Variants in COL6A5 observed in about 807,000 individuals in gnomAD.
COL6A5 encodes the protein collagen type VI alpha 5 chain, also known as collagen alpha-5(VI) chain.
In COL6A5, 48 loss-of-function variants were observed where a neutral mutation model predicts 65.6. That is an observed-to-expected ratio of 0.73 (90% CI 0.58 to 0.93). The LOEUF is 0.93. Among genes scored for constraint, COL6A5 ranks in the 40% least tolerant of loss-of-function variants. The pLI, the probability that COL6A5 is intolerant of heterozygous loss-of-function variation, is 0.00. For missense variants in COL6A5, 914 were observed against 928.3 expected, an observed-to-expected ratio of 0.98 and a Z score of 0.20; for synonymous variants, 291 against 322.8, an observed-to-expected ratio of 0.90 and a Z score of 1.05.
intron 1 of COL6A5, among the ~76,000 whole-genome samples, chr3:130,362,818 T>C (rs1302453112): frequency 6.6e-6 from 1 of 152,198 alleles, no homozygotes; most frequent in African/African-American, 2.4e-5. Context: ...TCTGAAGTTT[T>C]CTCTGTCTGA....
intron 11 of COL6A5, 65 bp downstream of exon 11, chr3:130,401,238 G>A: frequency 1.4e-6 from 2 of 1,405,966 alleles, no homozygotes; most frequent in East Asian, 2.5e-5. Flanking sequence ...GAATCTTGAT[G>A]AGAACTTTCA....
chr3:130,473,484 T>C (rs375588371), intron 7 of COL6A5, among the ~76,000 whole-genome samples: 5 of 152,204 alleles, frequency 3.3e-5, no homozygotes. Context: ...CAGGCATCAG[T>C]TGGCAGCTAA....
At chr3:130,391,125 C>T in intron 6 of COL6A5, 54 bp from the exon 7 acceptor site, 1 of 1,291,308 alleles carries the variant, frequency 7.7e-7, no homozygotes, top group Non-Finnish European at 1.1e-6. Context: ...TCTCAGCACC[C>T]TGCGTAGAAT....
At chr3:130,417,318 C>T (rs1261372469) in intron 24 of COL6A5, among the ~76,000 whole-genome samples, 1 of 152,052 alleles carries the variant, frequency 6.6e-6, no homozygotes, top group Non-Finnish European at 1.5e-5. Context: ...ACCAAAGTAC[C>T]TCCATTTTCT....
chr3:130,477,100 T>C, intron 7 of COL6A5: 1 of 1,508,990 alleles, frequency 6.6e-7, no homozygotes, highest in South Asian at 1.2e-5. Context: ...ATTAATCCAA[T>C]ACTTTCGTCA....
At chr3:130,470,820 T>A in intron 6 of COL6A5, 51 bp from the exon 39 acceptor site, 1 of 1,341,256 alleles carries the variant, frequency 7.5e-7, no homozygotes, top group Non-Finnish European at 1.1e-6. Flanking sequence ...TTGGGTGAGA[T>A]AATAATGTAG....
intron 1 of COL6A5, among the ~76,000 whole-genome samples, chr3:130,352,591 A>C (rs1285186866): frequency 6.6e-6 from 1 of 152,184 alleles, no homozygotes; most frequent in African/African-American, 2.4e-5. Context: ...TTCATGATCA[A>C]GTTGAGGCTC....
At chr3:130,389,359 A>G (rs573974201) in intron 6 of COL6A5, among the ~76,000 whole-genome samples, 136 of 152,176 alleles carry the variant, frequency 8.9e-4, no homozygotes, top group Non-Finnish European at 1.6e-3. Context: ...GACTTCAAAT[A>G]TGTTCCAAAA....
chr3:130,366,511 C>T (rs1319273476), intron 1 of COL6A5, among the ~76,000 whole-genome samples: 2 of 152,136 alleles, frequency 1.3e-5, no homozygotes, highest in African/African-American at 4.8e-5. Flanking sequence ...CAAGTCCAAC[C>T]CTCTTGTTTT....
upstream of COL6A5, chr3:130,431,457 T>C (rs1937802765): frequency 6.5e-7 from 1 of 1,547,674 alleles, no homozygotes; most frequent in East Asian, 2.4e-5. Flanking sequence ...TGCTTTTCTT[T>C]TTTCTAGAAA....
At chr3:130,421,051 G>A in intron 25 of COL6A5, 102 bp from the exon 26 acceptor site, 1 of 1,053,920 alleles carries the variant, frequency 9.5e-7, no homozygotes, top group Non-Finnish European at 1.4e-6. Context: ...CTTCTGCATG[G>A]AAGTCCCTAG....
intron 10 of COL6A5, among the ~76,000 whole-genome samples, chr3:130,398,949 C>T (rs932059847): frequency 1.3e-5 from 2 of 152,120 alleles, no homozygotes; most frequent in Non-Finnish European, 2.9e-5. Context: ...GGAACCTGAC[C>T]GAAGACAGCT....
intron 8 of COL6A5, among the ~76,000 whole-genome samples, 165 bp from the exon 9 acceptor site, chr3:130,397,418 A>G (rs999040796): frequency 3.3e-5 from 5 of 151,956 alleles, no homozygotes; most frequent in Non-Finnish European, 7.4e-5. Flanking sequence ...TGATATATGT[A>G]TATGTATATA....
chr3:130,437,044 T>G (rs1709050373), intron 1 of COL6A5, among the ~76,000 whole-genome samples: 1 of 152,166 alleles, frequency 6.6e-6, no homozygotes, highest in Non-Finnish European at 1.5e-5. Flanking sequence ...TTCCCAAAAC[T>G]TGTACAACGT....
intron 29 of COL6A5, among the ~76,000 whole-genome samples, chr3:130,425,148 GT>G (rs1937580104): frequency 6.6e-6 from 1 of 152,110 alleles, no homozygotes; most frequent in Admixed American, 6.6e-5. Context: ...GACACTACAT[GT>G]TTTCGTGGAT....
exon 6 of COL6A5, chr3:130,388,830 C>T: frequency 6.4e-7 from 1 of 1,551,328 alleles, no homozygotes; most frequent in Non-Finnish European, 8.7e-7. Context: ...TCAATGAAGG[C>T]ACTTTAACTG....
chr3:130,371,588 A>G (rs1464796206), intron 1 of COL6A5, among the ~76,000 whole-genome samples: 1 of 151,196 alleles, frequency 6.6e-6, no homozygotes, highest in East Asian at 1.9e-4. Flanking sequence ...AAGTCTTTTC[A>G]ACAAATGGTA....
chr3:130,436,315 C>G (rs1030477429), intron 1 of COL6A5, among the ~76,000 whole-genome samples: 4 of 151,440 alleles, frequency 2.6e-5, no homozygotes, highest in Non-Finnish European at 5.9e-5. Context: ...TGGCAGAGAC[C>G]CTCTGTCTAC....
chr3:130,395,472 G>T lies in COL6A5; in HGVS notation c.3568+7G>T. 1 of 1,528,742 alleles carries T rather than the reference G, an allele frequency of 6.5e-7. No individual in the cohort carries two copies. The highest frequency in any genetic ancestry group is 8.8e-7 in the Non-Finnish European group (1 of 1,140,222). 94.7% of individuals were successfully genotyped at this position (1,528,742 alleles called of 1,614,324 possible). On this transcript the variant is annotated splice_region_variant and intron_variant and NMD_transcript_variant, in intron 8 of 41. Coordinates refer to the COL6A5 transcript ENST00000312481. ...CAGAGCTGTGGGAAAACCAGTAAGT[G>T]CTTCTTGTTTGGTTTTCTTCCATGG...
Sources: allele counts gnomAD v4.1 joint callset (sites outside exome capture counted in the v4.1 genomes callset), GRCh38; gene constraint gnomAD v4.1.1; transcripts MANE v1.5; gene names NCBI Gene and HGNC (gene_info 2026-07-23, HGNC 2026-07-21).